CDC42SE2: variants seen among roughly 807,000 people sequenced by gnomAD.
The protein encoded by CDC42SE2 is CDC42 small effector protein 2.
Under a neutral mutation model 11.5 loss-of-function variants are expected in CDC42SE2, and 3 were observed. That is an observed-to-expected ratio of 0.26 (90% CI 0.12 to 0.67). CDC42SE2 has a LOEUF of 0.67. CDC42SE2 is among the 30% of genes least tolerant of loss of function. CDC42SE2 has a pLI of 0.80. For missense variants in CDC42SE2, 82 were observed against 106.8 expected, an observed-to-expected ratio of 0.77 and a Z score of 1.02; for synonymous variants, 33 against 34.8, an observed-to-expected ratio of 0.95 and a Z score of 0.18.
the CDC42SE2 span, among the ~76,000 whole-genome samples, chr5:131,210,170 C>T: frequency 6.6e-6 from 1 of 152,170 alleles, no homozygotes; most frequent in Non-Finnish European, 1.5e-5. Context: ...AATGGTGAGC[C>T]AATTAAACCT....
chr5:131,357,042 T>C (rs1240530703), intron 2 of CDC42SE2, among the ~76,000 whole-genome samples: 1 of 152,254 alleles, frequency 6.6e-6, no homozygotes, highest in Non-Finnish European at 1.5e-5. Context: ...TTTTCTCTTA[T>C]ATTCCTGCTA....
At chr5:131,299,340 G>A (rs1383935815) in intron 1 of CDC42SE2, among the ~76,000 whole-genome samples, 2 of 152,142 alleles carry the variant, frequency 1.3e-5, no homozygotes, top group African/African-American at 2.4e-5. Flanking sequence ...TATGGTATTC[G>A]TTGAGAGATG....
chr5:131,350,954 AT>A (rs1758993914), intron 2 of CDC42SE2, among the ~76,000 whole-genome samples: 1 of 151,910 alleles, frequency 6.6e-6, no homozygotes, highest in African/African-American at 2.4e-5. Context: ...ATTTTATTTT[AT>A]TTTATTTTTA....
rs1015165709 is a variant in CDC42SE2, at chr5:131,393,450, C to T, written c.*2359C>T. Reference sequence around the variant, plus strand: ...TGCCAAGGAAAAACATTTGCATCTTCGGAGTAGACATTTTGCAGTTTGTTT... The same window carrying T: ...TGCCAAGGAAAAACATTTGCATCTTTGGAGTAGACATTTTGCAGTTTGTTT... On this transcript the variant is annotated 3_prime_UTR_variant, in exon 5 of 5. Coordinates refer to ENST00000505065, the MANE Select transcript of CDC42SE2 (RefSeq NM_001375635.1). 16 of 152,346 alleles carry T rather than the reference C, an allele frequency of 1.1e-4. No homozygotes were observed. Among genetic ancestry groups the T allele is most frequent in the African/African-American group, 2.9e-4 (12 of 41,442 alleles). 9.4% of individuals were successfully genotyped at this position (152,346 alleles called of 1,614,324 possible). A position where few individuals can be genotyped will look rare whatever the true frequency, so the allele number is the denominator to read the frequency against.
chr5:131,288,803 T>C (rs776802572), intron 1 of CDC42SE2, among the ~76,000 whole-genome samples: 10 of 152,216 alleles, frequency 6.6e-5, no homozygotes, highest in Non-Finnish European at 1.2e-4. Context: ...ACCTGGAAAC[T>C]TAACTGCTTT....
At chr5:131,365,172 C>T (rs540540924) in intron 3 of CDC42SE2, among the ~76,000 whole-genome samples, 109 of 152,164 alleles carry the variant, frequency 7.2e-4, no homozygotes, top group Non-Finnish European at 1.3e-3. Flanking sequence ...TGCCTGTAAT[C>T]CCAGCTACTC....
Position 131,303,031 on chromosome 5 carries a change from G to A in CDC42SE2, c.-454-12945G>A, listed in dbSNP as rs553436713. On this transcript the variant is annotated intron_variant, in intron 1 of 4. Coordinates refer to ENST00000505065, the MANE Select transcript of CDC42SE2 (RefSeq NM_001375635.1). The stretch of plus-strand genomic sequence containing the variant: ...TCAAACAAAAATGTGTTGAGTCTTA[G>A]TGTCGCCACTGGCTACATTATTGCC... Among the ~76,000 whole-genome samples the A allele has an allele frequency of 9.2e-5, 14 of 152,278 alleles. No homozygotes were observed. The East Asian group carries it at 2.7e-3, about 29-fold the overall frequency.
chr5:131,329,073 G>A (rs1280891485), intron 2 of CDC42SE2, among the ~76,000 whole-genome samples: 1 of 152,200 alleles, frequency 6.6e-6, no homozygotes, highest in African/African-American at 2.4e-5. Flanking sequence ...TTATTAGTCT[G>A]TGTCTGCTTT....
upstream of CDC42SE2, among the ~76,000 whole-genome samples, chr5:131,240,949 G>GTTTTGT (rs71000979): frequency 9.0e-3 from 1,345 of 149,234 alleles, 36 homozygotes; most frequent in East Asian, 0.1. Flanking sequence ...GGTTTTATGG[G>GTTTTGT]TTTTGTTTTT....
At chr5:131,313,231 C>T (rs1371482272) in intron 1 of CDC42SE2, among the ~76,000 whole-genome samples, 2 of 152,096 alleles carry the variant, frequency 1.3e-5, no homozygotes, top group African/African-American at 4.8e-5. Flanking sequence ...ATCTGCCTGC[C>T]TCGGCCTCCC....
rs531642383 is a variant in CDC42SE2 at position 131,267,781 on chromosome 5, T to A, written c.-455+3615T>A. ...GTTTTAAAGTCCCAGTTGTCTTTTT[T>A]AAAATTATGAAAGGGTTTATTTAGG... On this transcript the variant is annotated intron_variant, in intron 1 of 4. Transcript: ENST00000505065. 5.3e-5 allele frequency among the ~76,000 whole-genome samples: 8 copies of A among 152,306 alleles called. No homozygotes were observed. In the East Asian group the frequency reaches 1.5e-3, roughly 29 times the overall value.
At chr5:131,332,123 C>A (rs976800709) in intron 2 of CDC42SE2, among the ~76,000 whole-genome samples, 5 of 152,152 alleles carry the variant, frequency 3.3e-5, no homozygotes, top group Non-Finnish European at 5.9e-5. Flanking sequence ...CCCACTCCCC[C>A]CACTCCACAA....
At position 131,323,547 on chromosome 5, in the gene CDC42SE2, GTTTTTTTTTTTT is replaced by G. The variant is rs1171213231; in HGVS notation, c.-286+7418_-286+7429del. ...AAGGGATTGTACCTCTCTCTCTCTG[GTTTTTTTTTTTT>G]TTTTTTTTTTTTTTGTATTTAAATG... is the stretch of plus-strand genomic sequence containing the variant. On this transcript the variant is annotated intron_variant, in intron 2 of 4. Coordinates refer to ENST00000505065, the MANE Select transcript of CDC42SE2 (RefSeq NM_001375635.1). Among the ~76,000 whole-genome samples, 355 of 82,614 alleles carry G rather than the reference GTTTTTTTTTTTT, an allele frequency of 4.3e-3. No individual in the cohort carries two copies. In the Middle Eastern group the frequency reaches 0.07, roughly 16 times the overall value. The allele number at this position is 82,614 out of a possible 152,430, so 54.2% of individuals were successfully genotyped here. A position where few individuals can be genotyped will look rare whatever the true frequency, so the allele number is the denominator to read the frequency against.
intron 1 of CDC42SE2, among the ~76,000 whole-genome samples, chr5:131,312,181 C>A (rs927677032): frequency 6.6e-6 from 1 of 151,232 alleles, no homozygotes; most frequent in Non-Finnish European, 1.5e-5. Context: ...CCTCAGCTGC[C>A]GGTCTGTTGG....
intron 3 of CDC42SE2, among the ~76,000 whole-genome samples, chr5:131,372,812 A>AATGAGAAT (rs1395981489): frequency 6.6e-6 from 1 of 152,182 alleles, no homozygotes; most frequent in African/African-American, 2.4e-5. Flanking sequence ...AATCCCTGCA[A>AATGAGAAT]ATGAGAATAA....
chr5:131,309,913 AT>A (rs1425526931), intron 1 of CDC42SE2, among the ~76,000 whole-genome samples: 1 of 151,420 alleles, frequency 6.6e-6, no homozygotes, highest in African/African-American at 2.4e-5. Flanking sequence ...GGATTCATTA[AT>A]TTTTTGAAGG....
chr5:131,235,926 G>A, the CDC42SE2 span, among the ~76,000 whole-genome samples: 8 of 152,144 alleles, frequency 5.3e-5, no homozygotes, highest in African/African-American at 1.2e-4. Context: ...GCTATCTGGC[G>A]TCCCTTAGGC....
chr5:131,380,093 A>T (rs1056661908), intron 3 of CDC42SE2, among the ~76,000 whole-genome samples: 8 of 150,062 alleles, frequency 5.3e-5, no homozygotes, highest in African/African-American at 2.5e-5. Flanking sequence ...TGCCCAGCTA[A>T]TTTTTTTTTC....
rs145404449 is a variant in CDC42SE2, at chr5:131,339,482, T to C, written c.-285-19727T>C. 2.9e-3 allele frequency among the ~76,000 whole-genome samples: 448 copies of C among 152,024 alleles called. 2 individuals are homozygous for C. Among genetic ancestry groups the C allele is most frequent in the African/African-American group, 0.01 (419 of 41,508 alleles). On this transcript the variant is annotated intron_variant, in intron 2 of 4. Coordinates refer to ENST00000505065, the MANE Select transcript of CDC42SE2 (RefSeq NM_001375635.1). Reference sequence around the variant, plus strand: ...TAAGACACTATAGTAGGTCAATTTGTAAAAGAGCCAAATAGAACTTATTAA... The same window carrying C: ...TAAGACACTATAGTAGGTCAATTTGCAAAAGAGCCAAATAGAACTTATTAA...
Sources: gnomAD v4.1 joint callset for allele counts (sites outside exome capture counted in the v4.1 genomes callset) on GRCh38, gnomAD v4.1.1 for gene constraint, MANE v1.5 for transcripts, NCBI Gene and HGNC (gene_info 2026-07-23, HGNC 2026-07-21) for gene names.